Variants in PRMT2 observed in about 807,000 individuals in gnomAD.
PRMT2 encodes the protein protein arginine N-methyltransferase 2.
Under a neutral mutation model 57.6 loss-of-function variants are expected in PRMT2, and 26 were observed. That is an observed-to-expected ratio of 0.45 (90% CI 0.33 to 0.63). The LOEUF (loss-of-function observed/expected upper bound fraction) is 0.63. PRMT2 is among the 20% of genes least tolerant of loss of function. The probability of loss-of-function intolerance (pLI) is 0.02; values close to 1 mark genes in which losing one functional copy is unlikely to be tolerated. For synonymous variants in PRMT2, 219 were observed against 220.0 expected, an observed-to-expected ratio of 1.00 and a Z score of 0.04; for missense variants, 472 against 564.4, an observed-to-expected ratio of 0.84 and a Z score of 1.66.
intron 3 of PRMT2, among the ~76,000 whole-genome samples, chr21:46,641,367 GT>G (rs770036135): frequency 2.6e-5 from 4 of 152,182 alleles, no homozygotes; most frequent in Non-Finnish European, 5.9e-5. Context: ...CAGTTGGAGA[GT>G]TTTTCCAGAA....
chr21:46,652,601 T>C (rs924367400), intron 7 of PRMT2: 47 of 985,224 alleles, frequency 4.8e-5, no homozygotes, highest in Non-Finnish European at 5.7e-5. Flanking sequence ...GATGCTGAGG[T>C]TGTGGGGAAG....
chr21:46,655,173 CAGAAA>C (rs2061524338), intron 7 of PRMT2, among the ~76,000 whole-genome samples: 1 of 152,112 alleles, frequency 6.6e-6, no homozygotes, highest in Admixed American at 6.5e-5. Context: ...AAACAACTTT[CAGAAA>C]AGAAGAGGGA....
intron 5 of PRMT2, among the ~76,000 whole-genome samples, chr21:46,644,838 C>T (rs1162451032): frequency 6.6e-6 from 1 of 152,046 alleles, no homozygotes; most frequent in Non-Finnish European, 1.5e-5. Flanking sequence ...AGATTTGGCC[C>T]ATGGCTTAGT....
rs1173209367 is a variant in PRMT2, at chr21:46,648,634, G to A, written c.489+15G>A. ...GGCCTAGAGCGGTGAGTGGGGTCTC[G>A]AGCGCATCCCGGGTGTTTGTGCCGA... On this transcript the variant is annotated intron_variant, in intron 6 of 11. Coordinates refer to ENST00000355680, the MANE Select transcript of PRMT2 (RefSeq NM_206962.4). This position sits in a 1 kb window ranked among gnomAD's most constrained non-coding sequence, Gnocchi z 4.8. 1.5e-5 allele frequency: 24 copies of A among 1,608,898 alleles called. No homozygotes were observed. Among genetic ancestry groups the A allele is most frequent in the African/African-American group, 9.4e-5 (7 of 74,840 alleles).
chr21:46,650,767 G>C (rs2061437951), intron 7 of PRMT2, among the ~76,000 whole-genome samples: 1 of 152,208 alleles, frequency 6.6e-6, no homozygotes, highest in Admixed American at 6.5e-5. Context: ...GGCTGCTGGA[G>C]TGTCCGGCTG....
chr21:46,661,970 G>GTGGGGGGCGCGGAGT lies in PRMT2; in HGVS notation c.1097+42_1097+43insGCGGAGTTGGGGGGC. On this transcript the variant is annotated intron_variant, in intron 10 of 11. Transcript: ENST00000355680. Reference sequence around the variant, plus strand: ...GCGGGGCGCGGGCACGGGGTGCGGGGTGGGGGGCAGGGGAGTAGGCGGGGT... The same window carrying GTGGGGGGCGCGGAGT: ...GCGGGGCGCGGGCACGGGGTGCGGGGTGGGGGGCGCGGAGTTGGGGGGCAGGGGAGTAGGCGGGGT... The GTGGGGGGCGCGGAGT allele has an allele frequency of 1.8e-6, 2 of 1,120,524 alleles. 1 individual carries two copies. The highest frequency in any genetic ancestry group is 2.2e-6 in the Non-Finnish European group (2 of 889,848). 69.4% of individuals were successfully genotyped at this position (1,120,524 alleles called of 1,614,324 possible).
intron 3 of PRMT2, among the ~76,000 whole-genome samples, chr21:46,640,490 G>A (rs1430489306): frequency 3.4e-5 from 5 of 145,564 alleles, no homozygotes; most frequent in Non-Finnish European, 6.0e-5. Flanking sequence ...CGCCCAGGCT[G>A]GAGTGCAGTG....
intron 11 of PRMT2, 27 bp downstream of exon 11, chr21:46,663,581 TC>T (rs1177705036): frequency 6.2e-7 from 1 of 1,604,574 alleles, no homozygotes; most frequent in Admixed American, 1.7e-5. Context: ...TAAGATTCTG[TC>T]CTGTGGGTGC....
chr21:46,656,211 A>G (rs1164564658), intron 7 of PRMT2, among the ~76,000 whole-genome samples: 2 of 152,206 alleles, frequency 1.3e-5, no homozygotes, highest in Non-Finnish European at 2.9e-5. Context: ...TGGTCTCTGC[A>G]CGTGCCAGCT....
In PRMT2 at chr21:46,635,714, C is replaced by T. The variant is rs1201171971; in HGVS notation, c.-215C>T. 1.3e-5 allele frequency: 2 copies of T among 152,422 alleles called. No individual in the cohort carries two copies. Among genetic ancestry groups the T allele is most frequent in the African/African-American group, 4.8e-5 (2 of 41,480 alleles). The allele number at this position is 152,422 out of a possible 1,614,324, so 9.4% of individuals were successfully genotyped here. On this transcript the variant is annotated 5_prime_UTR_variant, in exon 1 of 12. Transcript: ENST00000355680. The stretch of plus-strand genomic sequence containing the variant: ...GGCTCCTGGAAAGGACCGTCCACCC[C>T]TCCGCGCTGGCGGTGTGGACGCGGA...
chr21:46,664,219 T>TA, intron 11 of PRMT2, 76 bp from the exon 12 acceptor site: 1 of 1,311,574 alleles, frequency 7.6e-7, no homozygotes, highest in Non-Finnish European at 1.1e-6. Context: ...TGTCCAATAT[T>TA]AAACCATTAG....
chr21:46,637,051 T>A (rs1231496182), intron 3 of PRMT2, 61 bp downstream of exon 3: 1 of 1,563,550 alleles, frequency 6.4e-7, no homozygotes, highest in African/African-American at 1.4e-5. Flanking sequence ...TACAGAGAGC[T>A]AAGCGTCAGC....
At chr21:46,663,636 ATGC>A in intron 11 of PRMT2, 82 bp downstream of exon 11, 2 of 1,433,822 alleles carry the variant, frequency 1.4e-6, no homozygotes, top group Admixed American at 1.9e-5. Flanking sequence ...GTGATGGCAG[ATGC>A]TGGCCCACAC....
rs1253467773 is a variant in PRMT2, at chr21:46,661,818, C to G, written c.979C>G (p.Arg327Gly). ...SDLETLRGEL[R>G]FDIRKAGTLH... ...GACCCAGACCCTGAGGGGCGAGCTG[C>G]GCTTCGACATCAGGAAGGCGGGGAC... The change falls in exon 10 of 12, where the codon CGC (arginine) becomes GGC (glycine). Residue 327 changes from arginine (R) to glycine (G), a missense_variant. By Grantham distance (125) the Arg-to-Gly change is moderately radical. Around this residue, in one of 2 missense-constraint regions of PRMT2, gnomAD observed 229 missense variants for 217.2 expected, o/e 1.05. Transcript: ENST00000355680. The G allele has an allele frequency of 6.8e-7, 1 of 1,467,184 alleles. No individual in the cohort carries two copies. 90.9% of individuals were successfully genotyped at this position (1,467,184 alleles called of 1,614,324 possible).
Position 46,664,620 on chromosome 21 carries a change from G to A in PRMT2, c.*293G>A. 6 of 510,524 alleles carry A rather than the reference G, an allele frequency of 1.2e-5. No homozygotes were observed. The highest frequency in any genetic ancestry group is 1.0e-4 in the East Asian group (3 of 29,962). 31.6% of individuals were successfully genotyped at this position (510,524 alleles called of 1,614,324 possible). ...CACAGTGCCGACCCGTGGCTGGGTC[G>A]GAGCTCCATGTTCCTAAGCTAGGTC... On this transcript the variant is annotated 3_prime_UTR_variant, in exon 12 of 12. Transcript: ENST00000355680.
intron 7 of PRMT2, among the ~76,000 whole-genome samples, chr21:46,650,364 T>C (rs1601936432): frequency 6.6e-6 from 1 of 152,096 alleles, no homozygotes; most frequent in East Asian, 1.9e-4. Flanking sequence ...AAACTTTGTC[T>C]CAGTGTAGAG....
intron 8 of PRMT2, chr21:46,659,569 T>G (rs1431420051): frequency 1.0e-6 from 1 of 956,666 alleles, no homozygotes; most frequent in Non-Finnish European, 1.2e-6. Flanking sequence ...ATTATAATGT[T>G]GTTAGTAGTT....
Position 46,644,159 on chromosome 21 carries a change from G to A in PRMT2, c.145-147G>A, listed in dbSNP as rs1010613408. The A allele has an allele frequency of 4.0e-6, 3 of 751,932 alleles. No individual in the cohort carries two copies. In the African/African-American group the frequency reaches 5.3e-5, roughly 13 times the overall value. The allele number at this position is 751,932 out of a possible 1,614,324, so 46.6% of individuals were successfully genotyped here. A position where few individuals can be genotyped will look rare whatever the true frequency, so the allele number is the denominator to read the frequency against. ...GCATCGCTAAGTCATGGTGTCACTT[G>A]CAAACATTCTCAGTTGCTGTCATTA... On this transcript the variant is annotated intron_variant, in intron 4 of 11. Transcript: ENST00000355680.
At position 46,636,876 on chromosome 21, in the gene PRMT2, CCTT is replaced by C. The variant is rs1424719211; in HGVS notation, c.-56-17_-56-15del. 25 of 1,466,534 alleles carry C rather than the reference CCTT, an allele frequency of 1.7e-5. No homozygotes were observed. The South Asian group carries it at 1.8e-4, about 11-fold the overall frequency. 90.8% of individuals were successfully genotyped at this position (1,466,534 alleles called of 1,614,324 possible). Reference sequence around the variant, plus strand: ...GCAATGTAACAAGTACTTTGTGTCTCCTTCTCTTTTTAAAAGTAGAAATGGAAA... The same window carrying C: ...GCAATGTAACAAGTACTTTGTGTCTCCTCTTTTTAAAAGTAGAAATGGAAA... On this transcript the variant is annotated splice_polypyrimidine_tract_variant and intron_variant, in intron 2 of 11. Transcript: ENST00000355680.
Sources: allele counts gnomAD v4.1 joint callset (sites outside exome capture counted in the v4.1 genomes callset), GRCh38; gene constraint gnomAD v4.1.1; regional missense constraint gnomAD v4.1.1; non-coding constraint Gnocchi (gnomAD v3.1); transcripts MANE v1.5; gene names NCBI Gene and HGNC (gene_info 2026-07-23, HGNC 2026-07-21).